DLG5: variants seen among roughly 807,000 people sequenced by gnomAD.
DLG5 encodes the protein discs large MAGUK scaffold protein 5.
Under a neutral mutation model 189.8 loss-of-function variants are expected in DLG5, and 48 were observed. That is an observed-to-expected ratio of 0.25 (90% CI 0.20 to 0.32). DLG5 has a LOEUF of 0.32. Ranked by LOEUF, DLG5 falls within the 10% of genes least tolerant of loss-of-function variation. The pLI, the probability that DLG5 is intolerant of heterozygous loss-of-function variation, is 1.00. For missense variants in DLG5, 2,160 were observed against 2,544.7 expected (o/e 0.85, Z 3.25); for synonymous variants, 1,016 against 1,054.1 (o/e 0.96, Z 0.70).
chr10:77,803,650 G>GTA (rs897145919), intron 27 of DLG5, among the ~76,000 whole-genome samples: 1 of 152,132 alleles, frequency 6.6e-6, no homozygotes, highest in African/African-American at 2.4e-5. Flanking sequence ...AAAGGTGTAT[G>GTA]TATCTAACGA....
chr10:77,863,962 G>GCTCAGAGCCGTCCCAACACAACC (rs1844572915), intron 2 of DLG5, among the ~76,000 whole-genome samples: 1 of 152,172 alleles, frequency 6.6e-6, no homozygotes, highest in African/African-American at 2.4e-5. Flanking sequence ...GAAGGAAGGG[G>GCTCAGAGCCGTCCCAACACAACC]CTCAGAGCCG....
chr10:77,926,096 G>A lies in DLG5; in HGVS notation c.304+121C>T. On this transcript the variant is annotated intron_variant, in intron 1 of 31. Coordinates refer to ENST00000372391, the MANE Select transcript of DLG5 (RefSeq NM_004747.4). The surrounding 1 kb of genome is among the most constrained non-coding windows in gnomAD (Gnocchi z 5.2). ...CGCCGCCTCCCCAACTGGGCCAGAGGAGCGAGTCCACCGAGGCCATCGCCA... is the reference window on the plus strand; with the variant it reads ...CGCCGCCTCCCCAACTGGGCCAGAGAAGCGAGTCCACCGAGGCCATCGCCA... 4 of 1,081,274 alleles carry A rather than the reference G, an allele frequency of 3.7e-6. No homozygotes were observed. Among genetic ancestry groups the A allele is most frequent in the South Asian group, 3.2e-5 (1 of 30,930 alleles). 67.0% of individuals were successfully genotyped at this position (1,081,274 alleles called of 1,614,324 possible).
At position 77,843,647 on chromosome 10, in the gene DLG5, G is replaced by C. The variant is rs777264840; in HGVS notation, c.924C>G (p.Asp308Glu). The C allele has an allele frequency of 6.2e-7, 1 of 1,613,080 alleles. No individual in the cohort carries two copies. Among genetic ancestry groups the C allele is most frequent in the Non-Finnish European group, 8.5e-7 (1 of 1,179,898 alleles). The change falls in exon 6 of 32, where the codon GAC (aspartate) becomes GAG (glutamate). Residue 308 changes from aspartate to glutamate, a missense_variant. Coordinates refer to ENST00000372391, the MANE Select transcript of DLG5 (RefSeq NM_004747.4). ...AGTCCTTCTTGACCACCTCCAACTTGTCCATGGCCGTGTCATACAGTTTGT... is the reference window on the plus strand; with the variant it reads ...AGTCCTTCTTGACCACCTCCAACTTCTCCATGGCCGTGTCATACAGTTTGT... Reference protein sequence around the residue: ...ILNKLYDTAMDKLEVVKKDYD... With the variant: ...ILNKLYDTAMEKLEVVKKDYD...
chr10:77,865,283 A>G (rs1844628922), intron 2 of DLG5, among the ~76,000 whole-genome samples: 1 of 151,944 alleles, frequency 6.6e-6, no homozygotes, highest in Non-Finnish European at 1.5e-5. Flanking sequence ...TTTGCAAAGG[A>G]TTACCCCTGA....
At position 77,796,738 on chromosome 10, in the gene DLG5, G is replaced by A; in HGVS notation, c.5165-144C>T. On this transcript the variant is annotated intron_variant, in intron 27 of 31. Transcript: ENST00000372391. The surrounding 1 kb of genome is among the most constrained non-coding windows in gnomAD (Gnocchi z 5.2). ...TCAGCACTGAAAATCTCGTGTCCCA[G>A]GCACAACCGGGCATCGTCACCCCTG... is the stretch of plus-strand genomic sequence containing the variant. The A allele has an allele frequency of 1.0e-6, 1 of 994,744 alleles. No homozygotes were observed. Among genetic ancestry groups the A allele is most frequent in the Middle Eastern group, 3.2e-4 (1 of 3,102 alleles). The allele number at this position is 994,744 out of a possible 1,614,324, so 61.6% of individuals were successfully genotyped here.
intron 1 of DLG5, among the ~76,000 whole-genome samples, chr10:77,910,797 G>C (rs1265749): frequency 0.72 from 108,947 of 151,822 alleles, 40,509 homozygotes; most frequent in African/African-American, 0.92. Flanking sequence ...ATGATAAAAC[G>C]CCGTCTCTAC....
At chr10:77,844,437 C>T (rs558508284) in intron 5 of DLG5, among the ~76,000 whole-genome samples, 2 of 152,366 alleles carry the variant, frequency 1.3e-5, no homozygotes, top group East Asian at 1.9e-4. Flanking sequence ...TAATTACATA[C>T]TGAATCTTTT....
intron 20 of DLG5, chr10:77,816,098 A>G: frequency 4.3e-6 from 2 of 469,348 alleles, no homozygotes; most frequent in South Asian, 1.5e-5. Context: ...AGCAAAGGGT[A>G]AGAATGAGTC....
Position 77,841,906 on chromosome 10 carries a change from T to C in DLG5, c.1412A>G (p.Asn471Ser), listed in dbSNP as rs752181156. The C allele has an allele frequency of 5.0e-6, 8 of 1,610,456 alleles. No homozygotes were observed. Among genetic ancestry groups the C allele is most frequent in the South Asian group, 3.3e-5 (3 of 91,054 alleles). The change falls in exon 7 of 32, where the codon AAT becomes AGT. Residue 471 changes from asparagine to serine, a missense_variant. Physicochemically the swap from Asn to Ser is conservative, Grantham distance 46. Around this residue, in one of 5 missense-constraint regions of DLG5, gnomAD observed 664 missense variants for 838.5 expected, o/e 0.79. Transcript: ENST00000372391. ...KSSTSEKKAANEEMEALRQIK... is the reference protein window; with the variant it reads ...KSSTSEKKAASEEMEALRQIK... ...CTGCCGCAGCGCCTCCATCTCCTCA[T>C]TGGCCGCCTTCTTCTCAGATGTGCT... is the stretch of plus-strand genomic sequence containing the variant.
intron 1 of DLG5, among the ~76,000 whole-genome samples, chr10:77,906,205 A>G (rs1227395631): frequency 6.6e-6 from 1 of 152,216 alleles, no homozygotes; most frequent in Admixed American, 6.5e-5. Flanking sequence ...ACCCTGCCAG[A>G]GGCTCCAGGA....
chr10:77,825,503 C>A (rs1293816281), intron 13 of DLG5, among the ~76,000 whole-genome samples: 1 of 151,974 alleles, frequency 6.6e-6, no homozygotes, highest in Non-Finnish European at 1.5e-5. Flanking sequence ...ACATAGGACC[C>A]CCCTGTACTA....
At chr10:77,891,569 A>AAC (rs1175117565) in intron 1 of DLG5, among the ~76,000 whole-genome samples, 1 of 102,442 alleles carries the variant, frequency 9.8e-6, no homozygotes, top group African/African-American at 4.9e-5. Flanking sequence ...TCTGTCCCCC[A>AAC]ACAGACACAC....
At chr10:77,798,840 C>T (rs1189050968) in intron 27 of DLG5, among the ~76,000 whole-genome samples, 1 of 152,064 alleles carries the variant, frequency 6.6e-6, no homozygotes, top group Non-Finnish European at 1.5e-5. Context: ...CAATATAGTG[C>T]TTAAAAGAAT....
intron 13 of DLG5, among the ~76,000 whole-genome samples, chr10:77,828,354 T>C (rs1842739517): frequency 6.6e-6 from 1 of 152,012 alleles, no homozygotes; most frequent in Non-Finnish European, 1.5e-5. Flanking sequence ...GGCATGGTGG[T>C]GCACACCCTG....
chr10:77,922,291 C>T (rs1846557877), intron 1 of DLG5, among the ~76,000 whole-genome samples: 1 of 151,974 alleles, frequency 6.6e-6, no homozygotes, highest in African/African-American at 2.4e-5. Flanking sequence ...TGAGAATCCT[C>T]AAGGGAAAAA....
intron 27 of DLG5, among the ~76,000 whole-genome samples, chr10:77,797,632 G>C (rs910944007): frequency 2.6e-5 from 4 of 152,178 alleles, no homozygotes; most frequent in African/African-American, 9.7e-5. Context: ...TGGAGATGAT[G>C]GGGAGGGCAG....
At chr10:77,837,317 T>C (rs1057207499) in intron 7 of DLG5, among the ~76,000 whole-genome samples, 2 of 152,030 alleles carry the variant, frequency 1.3e-5, no homozygotes, top group African/African-American at 4.8e-5. Flanking sequence ...TTTTACAATA[T>C]ATTTATGGAT....
intron 1 of DLG5, among the ~76,000 whole-genome samples, chr10:77,905,146 C>T (rs7077479): frequency 6.8e-6 from 1 of 147,040 alleles, no homozygotes; most frequent in Admixed American, 6.8e-5. Context: ...AAAAAAAAAA[C>T]TCTCCTGGCT....
At chr10:77,902,184 C>T (rs757337267) in intron 1 of DLG5, among the ~76,000 whole-genome samples, 1 of 152,110 alleles carries the variant, frequency 6.6e-6, no homozygotes, top group Non-Finnish European at 1.5e-5. Context: ...TAAAAGGAAC[C>T]CCTGGGGTCC....
Sources: allele counts gnomAD v4.1 joint callset (sites outside exome capture counted in the v4.1 genomes callset), GRCh38; gene constraint gnomAD v4.1.1; regional missense constraint gnomAD v4.1.1; non-coding constraint Gnocchi (gnomAD v3.1); transcripts MANE v1.5; gene names NCBI Gene and HGNC (gene_info 2026-07-23, HGNC 2026-07-21).